Variants in FBLN5 observed in about 807,000 individuals in gnomAD.
The protein encoded by FBLN5 is fibulin 5.
FBLN5 carries 24 observed loss-of-function variants against 61.6 expected under a neutral mutation model. The observed-to-expected ratio is 0.39, with a 90% CI of 0.28 to 0.55. FBLN5 has a LOEUF of 0.55. Ranked by LOEUF, FBLN5 falls within the 20% of genes least tolerant of loss-of-function variation. The pLI is 0.65. For missense variants in FBLN5, 470 were observed against 594.1 expected (o/e 0.79, Z 2.17); for synonymous variants, 213 against 219.8 (o/e 0.97, Z 0.27).
chr14:91,882,191 T>C lies in FBLN5; in HGVS notation c.862+763A>G, dbSNP rs1889509043. 6.6e-6 allele frequency among the ~76,000 whole-genome samples: 1 copy of C among 152,068 alleles called. No individual in the cohort carries two copies. Among genetic ancestry groups the C allele is most frequent in the Admixed American group, 6.5e-5 (1 of 15,272 alleles). The stretch of plus-strand genomic sequence containing the variant: ...AAAAAGAAAGAAAGAAAAGAAAATA[T>C]AGTAGTAAAAGTAATTTTACCCATT... On this transcript the variant is annotated intron_variant, in intron 8 of 10. Transcript: ENST00000342058. The surrounding 1 kb of genome is among the most constrained non-coding windows in gnomAD (Gnocchi z 4.9).
chr14:91,870,668 G>A (rs1333856734), intron 10 of FBLN5, among the ~76,000 whole-genome samples: 1 of 152,216 alleles, frequency 6.6e-6, no homozygotes, highest in Non-Finnish European at 1.5e-5. Flanking sequence ...ACTTTGTACA[G>A]GATGGAAAGC....
chr14:91,896,329 C>T (rs1890223555), intron 4 of FBLN5, among the ~76,000 whole-genome samples: 1 of 152,156 alleles, frequency 6.6e-6, no homozygotes, highest in Admixed American at 6.5e-5. Context: ...CAGAGGACCC[C>T]AAAACCTTTT....
At chr14:91,883,722 G>C (rs560448700) in intron 7 of FBLN5, among the ~76,000 whole-genome samples, 1 of 148,202 alleles carries the variant, frequency 6.7e-6, no homozygotes, top group Admixed American at 6.8e-5. Flanking sequence ...GAAAACTCCG[G>C]AGTGGTGAGG....
intron 5 of FBLN5, among the ~76,000 whole-genome samples, chr14:91,892,239 C>T (rs1595305954): frequency 6.6e-6 from 1 of 152,246 alleles, no homozygotes; most frequent in East Asian, 1.9e-4. Context: ...ATGAAATCAC[C>T]GGCCTCCTGG....
intron 3 of FBLN5, among the ~76,000 whole-genome samples, chr14:91,938,940 T>C (rs2056063876): frequency 1.3e-5 from 2 of 152,200 alleles, no homozygotes; most frequent in African/African-American, 4.8e-5. Context: ...ACTGCTCTAC[T>C]CTTGATTCCT....
intron 1 of FBLN5, among the ~76,000 whole-genome samples, chr14:91,945,180 G>A (rs190816723): frequency 5.5e-4 from 83 of 150,592 alleles, no homozygotes; most frequent in Non-Finnish European, 8.0e-4. Flanking sequence ...GCAGGGAGCC[G>A]AGATTGCGCC....
At chr14:91,939,222 C>T (rs1736417354) in intron 3 of FBLN5, among the ~76,000 whole-genome samples, 1 of 152,134 alleles carries the variant, frequency 6.6e-6, no homozygotes, top group African/African-American at 2.4e-5. Context: ...CTATTCCATG[C>T]TCTGAGTGTC....
At chr14:91,920,335 T>C (rs1443114238) in intron 4 of FBLN5, among the ~76,000 whole-genome samples, 1 of 152,266 alleles carries the variant, frequency 6.6e-6, no homozygotes, top group Non-Finnish European at 1.5e-5. Flanking sequence ...AGAATAGGGC[T>C]GTATGATTTA....
chr14:91,881,361 T>C lies in FBLN5; in HGVS notation c.920A>G (p.Asn307Ser). Residue 307 changes from asparagine to serine, a missense_variant, in exon 9 of 11, where the codon AAT becomes AGT. Transcript: ENST00000342058. ...HTCNLQQTCY[N>S]LQGGFKCIDP... is the part of the protein sequence containing the mutation. The stretch of plus-strand genomic sequence containing the variant: ...AATGCATTTGAAGCCCCCTTGTAAA[T>C]TGTAGCACGTCTGCTGCAGGTTGCA... 4 of 1,614,136 alleles carry C rather than the reference T, an allele frequency of 2.5e-6. No individual in the cohort carries two copies. Among genetic ancestry groups the C allele is most frequent in the Non-Finnish European group, 3.4e-6 (4 of 1,179,984 alleles).
chr14:91,887,347 C>T (rs1409844570), intron 6 of FBLN5, 35 bp from the exon 7 acceptor site: 1 of 1,608,206 alleles, frequency 6.2e-7, no homozygotes, highest in South Asian at 1.1e-5. Flanking sequence ...TGACTGTCCT[C>T]CCAACAGAAC....
At chr14:91,899,538 G>C (rs1414103154) in intron 4 of FBLN5, among the ~76,000 whole-genome samples, 1 of 152,198 alleles carries the variant, frequency 6.6e-6, no homozygotes, top group African/African-American at 2.4e-5. Context: ...CCTCTCCCTT[G>C]AGACATCCAC....
chr14:91,870,212 C>G lies in FBLN5; in HGVS notation c.*12G>C. On this transcript the variant is annotated 3_prime_UTR_variant, in exon 11 of 11. Coordinates refer to ENST00000342058, the MANE Select transcript of FBLN5 (RefSeq NM_006329.4). ...CCAATGAGAGGCAGCGTCGGAGGCTCCAGCCCGAGGCTCAGAATGGGTACT... is the reference window on the plus strand; with the variant it reads ...CCAATGAGAGGCAGCGTCGGAGGCTGCAGCCCGAGGCTCAGAATGGGTACT... 6.2e-7 allele frequency: 1 copy of G among 1,613,848 alleles called. No homozygotes were observed. Among genetic ancestry groups the G allele is most frequent in the Non-Finnish European group, 8.5e-7 (1 of 1,179,712 alleles).
intron 7 of FBLN5, among the ~76,000 whole-genome samples, chr14:91,886,864 G>T (rs973101395): frequency 5.3e-5 from 8 of 152,068 alleles, no homozygotes; most frequent in African/African-American, 1.9e-4. Flanking sequence ...GACTTGAGTC[G>T]GTGCTGGGTG....
intron 5 of FBLN5, 99 bp from the exon 6 acceptor site, chr14:91,891,436 T>C (rs1055180119): frequency 1.2e-6 from 1 of 826,538 alleles, no homozygotes; most frequent in Non-Finnish European, 2.1e-6. Flanking sequence ...AACAGGATCA[T>C]GAACGGAAGC....
Position 91,870,018 on chromosome 14 carries a change from C to G in FBLN5, c.*206G>C. On this transcript the variant is annotated 3_prime_UTR_variant, in exon 11 of 11. Coordinates refer to ENST00000342058, the MANE Select transcript of FBLN5 (RefSeq NM_006329.4). ...TGATAATACTTTTTGATAACTGTGT[C>G]ATAGGAACTGGGGGTGGCAAGTCCT... 1 of 614,478 alleles carries G rather than the reference C, an allele frequency of 1.6e-6. No individual in the cohort carries two copies. Among genetic ancestry groups the G allele is most frequent in the Non-Finnish European group, 3.0e-6 (1 of 338,904 alleles). The allele number at this position is 614,478 out of a possible 1,614,324, so 38.1% of individuals were successfully genotyped here.
intron 10 of FBLN5, among the ~76,000 whole-genome samples, chr14:91,875,953 AC>A (rs1595291761): frequency 6.6e-6 from 1 of 152,248 alleles, no homozygotes; most frequent in African/African-American, 2.4e-5. Context: ...GTTTGATCCA[AC>A]AGCGTGAGAA....
chr14:91,880,650 C>A (rs577077500), intron 9 of FBLN5, among the ~76,000 whole-genome samples: 5 of 152,098 alleles, frequency 3.3e-5, no homozygotes, highest in African/African-American at 1.2e-4. Flanking sequence ...CAGGTTCAAG[C>A]GATTCTCATG....
intron 4 of FBLN5, among the ~76,000 whole-genome samples, chr14:91,904,543 G>C (rs962744453): frequency 6.6e-6 from 1 of 152,240 alleles, no homozygotes; most frequent in Non-Finnish European, 1.5e-5. Flanking sequence ...GCTCTGACAA[G>C]AACGCTATAG....
At chr14:91,891,117 A>G (rs1399130352) in intron 6 of FBLN5, 104 bp downstream of exon 6, 2 of 780,954 alleles carry the variant, frequency 2.6e-6, no homozygotes, top group Non-Finnish European at 4.7e-6. Context: ...GAATGGGAAT[A>G]TACTGTAGCA....
Sources: allele counts gnomAD v4.1 joint callset (sites outside exome capture counted in the v4.1 genomes callset), GRCh38; gene constraint gnomAD v4.1.1; non-coding constraint Gnocchi (gnomAD v3.1); transcripts MANE v1.5; gene names NCBI Gene and HGNC (gene_info 2026-07-23, HGNC 2026-07-21).